Variants in SLC14A2 observed in about 807,000 individuals in gnomAD.
The protein encoded by SLC14A2 is solute carrier family 14 member 2.
SLC14A2 carries 91 observed loss-of-function variants against 104.6 expected under a neutral mutation model. That is an observed-to-expected ratio of 0.87 (90% confidence interval 0.73 to 1.04). The LOEUF (loss-of-function observed/expected upper bound fraction) is 1.04, where lower values mean the gene tolerates loss of function less well. Among genes scored for constraint, SLC14A2 ranks in the 50% least tolerant of loss-of-function variants. SLC14A2 has a pLI of 0.00. For missense variants in SLC14A2, 1,189 were observed against 1,156.0 expected (o/e 1.03, Z -0.41); for synonymous variants, 476 against 466.4 (o/e 1.02, Z -0.27).
At chr18:45,579,410 A>G (rs1198425924) in intron 2 of SLC14A2, among the ~76,000 whole-genome samples, 2 of 152,214 alleles carry the variant, frequency 1.3e-5, no homozygotes, top group African/African-American at 4.8e-5. Context: ...TTTCTCATCA[A>G]TAGGGTTGGG....
intron 1 of SLC14A2, among the ~76,000 whole-genome samples, chr18:45,395,958 G>A (rs537609302): frequency 6.6e-6 from 1 of 152,104 alleles, no homozygotes; most frequent in Non-Finnish European, 1.5e-5. Context: ...TCAAATCAAT[G>A]CAATGGTCTT....
chr18:45,459,634 T>C (rs1212791001), intron 1 of SLC14A2, among the ~76,000 whole-genome samples: 1 of 152,202 alleles, frequency 6.6e-6, no homozygotes, highest in Non-Finnish European at 1.5e-5. Context: ...CCTCGCCCAG[T>C]TCCTGGTGCA....
intron 16 of SLC14A2, among the ~76,000 whole-genome samples, chr18:45,672,365 A>T (rs1052103197): frequency 6.6e-6 from 1 of 152,050 alleles, no homozygotes; most frequent in Admixed American, 6.5e-5. Flanking sequence ...CCTCATCTCT[A>T]CTAAAAATAC....
chr18:45,311,037 G>A (rs1008554744), intron 1 of SLC14A2, among the ~76,000 whole-genome samples: 2 of 152,208 alleles, frequency 1.3e-5, no homozygotes, highest in African/African-American at 2.4e-5. Flanking sequence ...ACATGGGCAG[G>A]TACTGAGATA....
Position 45,639,994 on chromosome 18 carries a change from T to C in SLC14A2, c.991+101T>C. On this transcript the variant is annotated intron_variant, in intron 7 of 19. Coordinates refer to ENST00000255226, the MANE Select transcript of SLC14A2 (RefSeq NM_007163.4). ...CTTCCAGACATTCTCTTCCCTGCAG[T>C]TTTAAATACTTTCAGGGAGACAGGC... The C allele has an allele frequency of 2.6e-6, 3 of 1,141,840 alleles. No individual in the cohort carries two copies. In the South Asian group the frequency reaches 4.6e-5, roughly 18 times the overall value. The allele number at this position is 1,141,840 out of a possible 1,614,324, so 70.7% of individuals were successfully genotyped here.
upstream of SLC14A2, among the ~76,000 whole-genome samples, chr18:45,208,904 T>G: frequency 6.6e-6 from 1 of 151,832 alleles, no homozygotes; most frequent in East Asian, 1.9e-4. Context: ...AAAGAAATTA[T>G]TATTATTTCT....
intron 1 of SLC14A2, among the ~76,000 whole-genome samples, chr18:45,230,090 A>G (rs2084159819): frequency 6.6e-6 from 1 of 152,362 alleles, no homozygotes; most frequent in Admixed American, 6.5e-5. Context: ...TGTAATCATC[A>G]TCATTGTCAT....
At chr18:45,351,084 G>A (rs1050431989) in intron 1 of SLC14A2, among the ~76,000 whole-genome samples, 2 of 152,048 alleles carry the variant, frequency 1.3e-5, no homozygotes, top group Non-Finnish European at 2.9e-5. Context: ...GTGTGTAATT[G>A]TCTTTGTCTT....
At position 45,489,271 on chromosome 18, in the gene SLC14A2, G is replaced by A. The variant is rs144225457; in HGVS notation, c.-35+5949G>A. On this transcript the variant is annotated intron_variant, in intron 2 of 20. Coordinates refer to the SLC14A2 transcript ENST00000586448. Reference sequence around the variant, plus strand: ...GCTACTTATAATCCCAGCACTTTGAGAGGCTGAGGCCAGCAGATCATTTGA... The same window carrying A: ...GCTACTTATAATCCCAGCACTTTGAAAGGCTGAGGCCAGCAGATCATTTGA... Among the ~76,000 whole-genome samples, 325 of 152,258 alleles carry A rather than the reference G, an allele frequency of 2.1e-3. 1 individual carries two copies. The highest frequency in any genetic ancestry group is 7.3e-3 in the African/African-American group (304 of 41,552).
intron 2 of SLC14A2, among the ~76,000 whole-genome samples, chr18:45,592,318 A>G (rs1192393962): frequency 6.6e-6 from 1 of 152,156 alleles, no homozygotes; most frequent in Non-Finnish European, 1.5e-5. Flanking sequence ...CCTATATAAT[A>G]AATAAAAATC....
chr18:45,356,856 G>T (rs1217843324), intron 1 of SLC14A2, among the ~76,000 whole-genome samples: 1 of 152,188 alleles, frequency 6.6e-6, no homozygotes, highest in Non-Finnish European at 1.5e-5. Context: ...TGAGAGGTCT[G>T]TATCAGGTCT....
rs192273900 is a variant in SLC14A2 at position 45,370,019 on chromosome 18, G to T, written c.-124-113214G>T. ...TGGACTGAGAGCCAGAGCTGTTGAG[G>T]CTCTAGGCAAAGCCATCTTCTCTAA... On this transcript the variant is annotated intron_variant, in intron 1 of 20. Coordinates refer to the SLC14A2 transcript ENST00000586448. Among the ~76,000 whole-genome samples the T allele has an allele frequency of 1.3e-3, 196 of 152,302 alleles. 2 individuals are homozygous for T. Among genetic ancestry groups the T allele is most frequent in the Admixed American group, 7.8e-4 (12 of 15,302 alleles).
intron 4 of SLC14A2, among the ~76,000 whole-genome samples, chr18:45,627,637 C>A (rs2045280705): frequency 6.6e-6 from 1 of 152,092 alleles, no homozygotes; most frequent in Non-Finnish European, 1.5e-5. Flanking sequence ...GGAAGGGGAG[C>A]AAACAGGGCT....
chr18:45,515,285 G>A (rs1457652689), intron 2 of SLC14A2, among the ~76,000 whole-genome samples: 1 of 152,224 alleles, frequency 6.6e-6, no homozygotes, highest in Non-Finnish European at 1.5e-5. Context: ...GCCTCACTGA[G>A]CTAAAATGAA....
intron 1 of SLC14A2, among the ~76,000 whole-genome samples, chr18:45,400,417 G>A (rs1266365831): frequency 1.3e-5 from 2 of 152,198 alleles, no homozygotes; most frequent in African/African-American, 4.8e-5. Context: ...TATTCCAGAA[G>A]TAATGCTGTG....
intron 1 of SLC14A2, among the ~76,000 whole-genome samples, chr18:45,426,777 G>A (rs933830828): frequency 1.3e-5 from 2 of 151,108 alleles, no homozygotes; most frequent in Admixed American, 1.3e-4. Context: ...ACAAAATTGG[G>A]CATTTTGTAA....
chr18:45,666,122 T>C lies in SLC14A2; in HGVS notation c.1475-15T>C. 6.2e-7 allele frequency: 1 copy of C among 1,602,206 alleles called. No individual in the cohort carries two copies. Among genetic ancestry groups the C allele is most frequent in the East Asian group, 2.2e-5 (1 of 44,810 alleles). On this transcript the variant is annotated splice_polypyrimidine_tract_variant and intron_variant, in intron 11 of 19. Coordinates refer to ENST00000255226, the MANE Select transcript of SLC14A2 (RefSeq NM_007163.4). ...AGGTGTCCTAACTGATGGTGCTCTT[T>C]CCTTCTAACTCCAGTGTTTGGAAAA...
At chr18:45,581,279 G>A (rs2044487680) in intron 2 of SLC14A2, among the ~76,000 whole-genome samples, 1 of 152,202 alleles carries the variant, frequency 6.6e-6, no homozygotes, top group African/African-American at 2.4e-5. Context: ...CTTGCACAGG[G>A]CTGCAGGAAC....
At chr18:45,258,990 A>G (rs1175507679) in intron 1 of SLC14A2, among the ~76,000 whole-genome samples, 1 of 152,160 alleles carries the variant, frequency 6.6e-6, no homozygotes, top group Non-Finnish European at 1.5e-5. Flanking sequence ...TTCTCATTGG[A>G]GTGTGTCCCT....
Sources: gnomAD v4.1 joint callset for allele counts (sites outside exome capture counted in the v4.1 genomes callset) on GRCh38, gnomAD v4.1.1 for gene constraint, MANE v1.5 for transcripts, NCBI Gene and HGNC (gene_info 2026-07-23, HGNC 2026-07-21) for gene names.